Variants in FRYL observed in about 807,000 individuals in gnomAD.
FRYL encodes the protein protein furry homolog-like.
A neutral mutation model predicts 351.2 loss-of-function variants in FRYL; 150 were observed. The observed-to-expected ratio is 0.43, with a 90% CI of 0.37 to 0.49. The LOEUF (loss-of-function observed/expected upper bound fraction) is 0.49. FRYL is among the 20% of genes least tolerant of loss of function. The pLI is 0.00. For synonymous variants in FRYL, 1,153 were observed against 1,257.1 expected, an observed-to-expected ratio of 0.92 and a Z score of 1.75; for missense variants, 3,036 against 3,619.3, an observed-to-expected ratio of 0.84 and a Z score of 4.13.
At chr4:48,750,944 C>T (rs1362401865) in intron 1 of FRYL, among the ~76,000 whole-genome samples, 2 of 152,188 alleles carry the variant, frequency 1.3e-5, no homozygotes, top group South Asian at 2.1e-4. Context: ...ATCACTATAC[C>T]TGAACCAATC....
chr4:48,501,821 T>C (rs1421404944), intron 61 of FRYL, 88 bp from the exon 62 acceptor site: 4 of 852,342 alleles, frequency 4.7e-6, no homozygotes, highest in African/African-American at 3.4e-5. Flanking sequence ...AATTGTCTTG[T>C]CGTTTATTTT....
In FRYL at chr4:48,623,111, C is replaced by T. The variant is rs767133747; in HGVS notation, c.174+15G>A. ...ATTTCCAGGGGAAAAAAAAATTCTC[C>T]CAAAATTGTCATACCTGATCAAACT... is the stretch of plus-strand genomic sequence containing the variant. On this transcript the variant is annotated intron_variant, in intron 5 of 63. Coordinates refer to ENST00000358350, the MANE Select transcript of FRYL (RefSeq NM_015030.2). The T allele has an allele frequency of 3.0e-5, 47 of 1,564,450 alleles. No individual in the cohort carries two copies. The highest frequency in any genetic ancestry group is 3.6e-5 in the Non-Finnish European group (42 of 1,150,830).
At chr4:48,719,425 T>C (rs1769218508) in intron 1 of FRYL, among the ~76,000 whole-genome samples, 1 of 151,718 alleles carries the variant, frequency 6.6e-6, no homozygotes, top group South Asian at 2.1e-4. Flanking sequence ...AACTATAAAA[T>C]GAGAATAACA....
intron 3 of FRYL, among the ~76,000 whole-genome samples, chr4:48,672,838 C>T (rs1035094581): frequency 1.5e-4 from 23 of 152,224 alleles, no homozygotes; most frequent in African/African-American, 5.1e-4. Flanking sequence ...CCATTATCCA[C>T]TTTGTTCCCT....
chr4:48,532,442 G>A (rs759077844), intron 49 of FRYL, among the ~76,000 whole-genome samples: 5 of 152,218 alleles, frequency 3.3e-5, no homozygotes, highest in Non-Finnish European at 5.9e-5. Context: ...CAGACCACTT[G>A]AGGTCAGGAG....
chr4:48,669,535 T>C (rs1403290594), intron 3 of FRYL, among the ~76,000 whole-genome samples: 1 of 150,606 alleles, frequency 6.6e-6, no homozygotes, highest in Non-Finnish European at 1.5e-5. Context: ...ATAATTTGCA[T>C]TATAATTTAT....
At chr4:48,537,941 T>C (rs1387154990) in intron 47 of FRYL, among the ~76,000 whole-genome samples, 1 of 152,182 alleles carries the variant, frequency 6.6e-6, no homozygotes, top group African/African-American at 2.4e-5. Flanking sequence ...TAAACCAATA[T>C]ACACTTTCCC....
At chr4:48,632,654 G>A (rs1385771293) in intron 4 of FRYL, among the ~76,000 whole-genome samples, 2 of 151,770 alleles carry the variant, frequency 1.3e-5, no homozygotes, top group East Asian at 3.9e-4. Flanking sequence ...AAGCAATCAT[G>A]GGATGATTTA....
intron 2 of FRYL, among the ~76,000 whole-genome samples, chr4:48,705,241 T>C (rs544431534): frequency 1.3e-5 from 2 of 152,128 alleles, no homozygotes; most frequent in African/African-American, 2.4e-5. Context: ...GTTATGCATT[T>C]ATATTATACC....
Position 48,676,173 on chromosome 4 carries a change from T to C in FRYL, c.-81+8500A>G, listed in dbSNP as rs60656660. Among the ~76,000 whole-genome samples the C allele has an allele frequency of 7.6e-3, 1,161 of 152,264 alleles. 15 individuals carry two copies. The highest frequency in any genetic ancestry group is 0.026 in the African/African-American group (1,075 of 41,540). ...TAAAAGCAGGCTGCCCCAGCCAGCA[T>C]TGGAAACCCACTCGGGTCCCCTTCC... On this transcript the variant is annotated intron_variant, in intron 3 of 63. Coordinates refer to ENST00000358350, the MANE Select transcript of FRYL (RefSeq NM_015030.2).
chr4:48,578,057 A>T (rs1050171013), intron 23 of FRYL, among the ~76,000 whole-genome samples: 4 of 151,894 alleles, frequency 2.6e-5, no homozygotes, highest in Middle Eastern at 3.4e-3. Flanking sequence ...AAAAAATAAG[A>T]TTGAATTTGA....
At chr4:48,775,597 T>A (rs1775934626) in intron 1 of FRYL, among the ~76,000 whole-genome samples, 1 of 152,194 alleles carries the variant, frequency 6.6e-6, no homozygotes, top group Admixed American at 6.5e-5. Flanking sequence ...CTTTTTATAA[T>A]TAGCAACTTA....
intron 53 of FRYL, among the ~76,000 whole-genome samples, chr4:48,524,777 T>C (rs142785707): frequency 1.3e-5 from 2 of 152,278 alleles, no homozygotes; most frequent in South Asian, 2.1e-4. Flanking sequence ...CTGAATGAAC[T>C]TGAAAGCATT....
intron 1 of FRYL, among the ~76,000 whole-genome samples, chr4:48,711,133 G>A (rs1767951349): frequency 6.6e-6 from 1 of 152,230 alleles, no homozygotes; most frequent in Admixed American, 6.5e-5. Context: ...CCCAGCGGGA[G>A]CGACACAGAA....
chr4:48,508,577 T>A (rs939023130), intron 59 of FRYL, among the ~76,000 whole-genome samples: 2 of 152,180 alleles, frequency 1.3e-5, no homozygotes, highest in African/African-American at 4.8e-5. Context: ...CCAAAATGAA[T>A]CTATGTGCTG....
At chr4:48,628,431 C>CGTGCGTGTGTGT (rs1553956082) in intron 4 of FRYL, among the ~76,000 whole-genome samples, 5 of 144,662 alleles carry the variant, frequency 3.5e-5, no homozygotes, top group Non-Finnish European at 7.5e-5. Flanking sequence ...CCTTCATTTG[C>CGTGCGTGTGTGT]GTGTGTGTGT....
intron 1 of FRYL, among the ~76,000 whole-genome samples, chr4:48,776,971 C>T (rs1776087024): frequency 6.6e-6 from 1 of 152,148 alleles, no homozygotes; most frequent in Admixed American, 6.5e-5. Context: ...CTGTCCTTTT[C>T]CTAAGAATCG....
At chr4:48,719,266 G>A (rs1769202608) in intron 1 of FRYL, among the ~76,000 whole-genome samples, 1 of 151,760 alleles carries the variant, frequency 6.6e-6, no homozygotes, top group African/African-American at 2.4e-5. Context: ...TTTGCTCTGT[G>A]CAAATGTATC....
At chr4:48,563,841 T>C in intron 31 of FRYL, 107 bp downstream of exon 31, 3 of 1,197,190 alleles carry the variant, frequency 2.5e-6, no homozygotes, top group South Asian at 1.6e-5. Flanking sequence ...CCCCCACAGA[T>C]ACTGAAGGAC....
Sources: gnomAD v4.1 joint callset for allele counts (sites outside exome capture counted in the v4.1 genomes callset) on GRCh38, gnomAD v4.1.1 for gene constraint, MANE v1.5 for transcripts, NCBI Gene and HGNC (gene_info 2026-07-23, HGNC 2026-07-21) for gene names.